Variants in CCSER1 observed in about 807,000 individuals in gnomAD.
CCSER1 encodes the protein serine-rich coiled-coil domain-containing protein 1.
A neutral mutation model predicts 82.0 loss-of-function variants in CCSER1; 41 were observed. That is an observed-to-expected ratio of 0.50 (90% CI 0.39 to 0.65). The LOEUF is 0.65. CCSER1 is among the 30% of genes least tolerant of loss of function. The pLI is 0.00. For synonymous variants in CCSER1, 414 were observed against 383.9 expected (o/e 1.08, Z -0.92); for missense variants, 1,119 against 1,064.2 (o/e 1.05, Z -0.72).
chr4:90,234,109 A>G (rs947586155), intron 1 of CCSER1, among the ~76,000 whole-genome samples: 1 of 152,112 alleles, frequency 6.6e-6, no homozygotes, highest in Non-Finnish European at 1.5e-5. Context: ...CAGCCTTTGT[A>G]TTTCCAGACC....
intron 5 of CCSER1, among the ~76,000 whole-genome samples, chr4:90,538,208 T>G (rs1359145862): frequency 6.6e-6 from 1 of 152,070 alleles, no homozygotes; most frequent in Non-Finnish European, 1.5e-5. Context: ...GGGATGGGGC[T>G]GGGGGTTGCA....
intron 9 of CCSER1, among the ~76,000 whole-genome samples, chr4:91,082,567 A>C (rs1445997584): frequency 1.3e-5 from 2 of 152,186 alleles, no homozygotes; most frequent in Admixed American, 1.3e-4. Context: ...AATGGGATCT[A>C]ATTAAACTAA....
At chr4:90,387,906 C>A (rs563713381) in intron 3 of CCSER1, among the ~76,000 whole-genome samples, 1 of 152,228 alleles carries the variant, frequency 6.6e-6, no homozygotes, top group African/African-American at 2.4e-5. Flanking sequence ...TTCTGTGAGT[C>A]CTTTCAGTGA....
intron 7 of CCSER1, among the ~76,000 whole-genome samples, chr4:90,782,792 C>G (rs1476088100): frequency 6.7e-6 from 1 of 149,072 alleles, no homozygotes; most frequent in African/African-American, 2.5e-5. Flanking sequence ...CGCCATTCTC[C>G]TGCCTCAGCC....
chr4:91,083,791 A>G (rs1048147178), intron 9 of CCSER1, among the ~76,000 whole-genome samples: 2 of 152,194 alleles, frequency 1.3e-5, no homozygotes, highest in Non-Finnish European at 2.9e-5. Flanking sequence ...AAGGTGTAAC[A>G]GTAGAAAACA....
At chr4:90,700,931 G>T (rs1180679401) in intron 6 of CCSER1, among the ~76,000 whole-genome samples, 1 of 152,076 alleles carries the variant, frequency 6.6e-6, no homozygotes, top group Non-Finnish European at 1.5e-5. Context: ...CATTCTGTAG[G>T]TTGCCTGTTC....
At chr4:90,410,941 A>G (rs1225227989) in intron 4 of CCSER1, among the ~76,000 whole-genome samples, 1 of 152,240 alleles carries the variant, frequency 6.6e-6, no homozygotes, top group Non-Finnish European at 1.5e-5. Flanking sequence ...GACAAAGAGG[A>G]TATCACCACT....
At chr4:90,302,053 A>G (rs1159442631) in intron 1 of CCSER1, among the ~76,000 whole-genome samples, 3 of 152,196 alleles carry the variant, frequency 2.0e-5, no homozygotes, top group African/African-American at 7.2e-5. Flanking sequence ...ATTTAGCATA[A>G]TTACCCTCAG....
At chr4:90,790,980 G>T (rs918690633) in intron 7 of CCSER1, among the ~76,000 whole-genome samples, 1 of 152,186 alleles carries the variant, frequency 6.6e-6, no homozygotes, top group African/African-American at 2.4e-5. Flanking sequence ...CTATGAAGAA[G>T]TACTCAAGAT....
chr4:90,746,475 A>G (rs1310899830), intron 7 of CCSER1, among the ~76,000 whole-genome samples: 2 of 152,160 alleles, frequency 1.3e-5, no homozygotes, highest in Non-Finnish European at 2.9e-5. Context: ...CAGCCTACCA[A>G]GTTTTCTATA....
intron 10 of CCSER1, among the ~76,000 whole-genome samples, chr4:91,469,815 ATAAT>A (rs540549195): frequency 5.3e-5 from 8 of 152,348 alleles, no homozygotes; most frequent in African/African-American, 1.9e-4. Context: ...GTTTTGGAAG[ATAAT>A]TAATAGTGAT....
chr4:90,805,934 A>G (rs921564277), intron 7 of CCSER1, among the ~76,000 whole-genome samples: 10 of 152,170 alleles, frequency 6.6e-5, no homozygotes, highest in African/African-American at 2.4e-4. Context: ...TATGTTCTAG[A>G]ATTTTGCAAA....
chr4:90,727,300 A>G (rs1743837384), intron 7 of CCSER1: 1 of 455,780 alleles, frequency 2.2e-6, no homozygotes, highest in Non-Finnish European at 4.4e-6. Context: ...TTGCATAGGT[A>G]GGAACAAAAT....
At chr4:91,163,394 G>C (rs978075014) in intron 10 of CCSER1, among the ~76,000 whole-genome samples, 1 of 151,926 alleles carries the variant, frequency 6.6e-6, no homozygotes, top group African/African-American at 2.4e-5. Flanking sequence ...GTGCTGACAA[G>C]AATGTATATT....
intron 9 of CCSER1, among the ~76,000 whole-genome samples, chr4:90,988,099 T>C (rs1736716137): frequency 1.3e-5 from 2 of 151,422 alleles, no homozygotes; most frequent in Non-Finnish European, 3.0e-5. Context: ...GGAGAATCAC[T>C]TGGGCCTAGG....
At chr4:91,500,596 T>G (rs1206260712) in intron 10 of CCSER1, among the ~76,000 whole-genome samples, 1 of 152,016 alleles carries the variant, frequency 6.6e-6, no homozygotes, top group Admixed American at 6.6e-5. Context: ...TATCTTTTGC[T>G]TTGAACAGGA....
chr4:91,171,076 A>G (rs1189898731), intron 10 of CCSER1, among the ~76,000 whole-genome samples: 1 of 152,216 alleles, frequency 6.6e-6, no homozygotes, highest in Non-Finnish European at 1.5e-5. Context: ...TATGTCTAGG[A>G]CAAACTTTTT....
At chr4:90,532,460 C>G (rs909236103) in intron 5 of CCSER1, among the ~76,000 whole-genome samples, 2 of 152,024 alleles carry the variant, frequency 1.3e-5, no homozygotes, top group African/African-American at 2.4e-5. Context: ...ACCCATCTAG[C>G]CTTGTCTGCC....
chr4:90,256,800 TC>T (rs1256535230), intron 1 of CCSER1, among the ~76,000 whole-genome samples: 1 of 152,112 alleles, frequency 6.6e-6, no homozygotes, highest in Non-Finnish European at 1.5e-5. Flanking sequence ...TTATCTGCAG[TC>T]AACCATGGTA....
Sources: gnomAD v4.1 joint callset for allele counts (sites outside exome capture counted in the v4.1 genomes callset) on GRCh38, gnomAD v4.1.1 for gene constraint, MANE v1.5 for transcripts, NCBI Gene and HGNC (gene_info 2026-07-23, HGNC 2026-07-21) for gene names.